The following SLC35D4 variants were observed in gnomAD, a reference collection of about 807,000 sequenced individuals.
SLC35D4 encodes UDP-N-acetylglucosamine transporter SLC35D4.
the SLC35D4 span, among the ~76,000 whole-genome samples, chr18:23,383,156 G>T: frequency 6.6e-6 from 1 of 152,122 alleles, no homozygotes; most frequent in African/African-American, 2.4e-5. Flanking sequence ...CTCTGCAGGG[G>T]AGCTGAGCTC....
the SLC35D4 span, chr18:23,259,334 G>T: frequency 2.0e-5 from 3 of 152,242 alleles, no homozygotes; most frequent in Non-Finnish European, 4.4e-5. Context: ...AGTGGGGTGG[G>T]GGGAGGGACG....
the SLC35D4 span, chr18:23,373,628 G>T: frequency 6.7e-7 from 1 of 1,485,282 alleles, no homozygotes; most frequent in African/African-American, 1.4e-5. Flanking sequence ...CTTCTAAAAG[G>T]AAGGACTAGG....
At chr18:23,315,585 C>T in the SLC35D4 span, among the ~76,000 whole-genome samples, 2 of 152,172 alleles carry the variant, frequency 1.3e-5, no homozygotes, top group Non-Finnish European at 1.5e-5. Context: ...GGTAATATAA[C>T]CTTTAAGGTC....
chr18:23,286,904 G>GCCTCCTTTGCGT, the SLC35D4 span, among the ~76,000 whole-genome samples: 56 of 151,864 alleles, frequency 3.7e-4, no homozygotes, highest in Middle Eastern at 3.4e-3. Context: ...CCAATCCAAA[G>GCCTCCTTTGCGT]CCTCCTTTGC....
the SLC35D4 span, among the ~76,000 whole-genome samples, chr18:23,315,016 T>C: frequency 6.6e-6 from 1 of 152,104 alleles, no homozygotes; most frequent in Non-Finnish European, 1.5e-5. Context: ...GGGAAAATGG[T>C]GGTGGTGGTG....
At chr18:23,305,754 G>A in the SLC35D4 span, among the ~76,000 whole-genome samples, 2 of 152,206 alleles carry the variant, frequency 1.3e-5, no homozygotes, top group Non-Finnish European at 2.9e-5. Context: ...CCCATTTTCT[G>A]AGTGCAGTGA....
At chr18:23,371,945 T>TTTTTTTTTTTTTTTTTTTTTTG in the SLC35D4 span, among the ~76,000 whole-genome samples, 2 of 73,346 alleles carry the variant, frequency 2.7e-5, no homozygotes, top group African/African-American at 5.9e-5. Flanking sequence ...GTTTTTTTTT[T>TTTTTTTTTTTTTTTTTTTTTTG]TTTTTTTTGA....
the SLC35D4 span, among the ~76,000 whole-genome samples, chr18:23,423,113 T>G: frequency 6.6e-6 from 1 of 152,234 alleles, no homozygotes; most frequent in Admixed American, 6.5e-5. Context: ...GTCTGCTATG[T>G]GCAGCCACAT....
At chr18:23,366,832 C>T in the SLC35D4 span, among the ~76,000 whole-genome samples, 40,442 of 152,020 alleles carry the variant, frequency 0.27, 5,945 homozygotes, top group East Asian at 0.4. Context: ...AGGAGGTTTG[C>T]GAGAAAGCCA....
chr18:23,317,771 C>T, the SLC35D4 span, among the ~76,000 whole-genome samples: 2 of 151,328 alleles, frequency 1.3e-5, no homozygotes, highest in Admixed American at 6.6e-5. Flanking sequence ...GACGGAGTCT[C>T]GCTCTGTCCC....
At chr18:23,248,974 G>A in the SLC35D4 span, among the ~76,000 whole-genome samples, 4 of 152,342 alleles carry the variant, frequency 2.6e-5, no homozygotes, top group East Asian at 5.8e-4. Context: ...CAGCTGCCTG[G>A]GACCAGGACT....
chr18:23,351,212 G>C, the SLC35D4 span, among the ~76,000 whole-genome samples: 1 of 152,102 alleles, frequency 6.6e-6, no homozygotes, highest in South Asian at 2.1e-4. Flanking sequence ...TTTGAGAACA[G>C]CCTGGCCAAC....
At chr18:23,252,813 G>C in the SLC35D4 span, 7 of 566,870 alleles carry the variant, frequency 1.2e-5, no homozygotes, top group South Asian at 1.4e-4. Context: ...CAGGCTCCTG[G>C]ATTCCGCCGA....
At chr18:23,416,516 G>C in the SLC35D4 span, among the ~76,000 whole-genome samples, 1 of 152,194 alleles carries the variant, frequency 6.6e-6, no homozygotes, top group Non-Finnish European at 1.5e-5. Flanking sequence ...AGCAGCCACA[G>C]CAAATACAAA....
At chr18:23,332,739 C>T in the SLC35D4 span, among the ~76,000 whole-genome samples, 1 of 150,796 alleles carries the variant, frequency 6.6e-6, no homozygotes. Context: ...CGCTGAGATA[C>T]TTCAAAAATT....
the SLC35D4 span, among the ~76,000 whole-genome samples, chr18:23,291,128 G>A: frequency 5.9e-5 from 9 of 152,304 alleles, no homozygotes; most frequent in African/African-American, 1.7e-4. Flanking sequence ...GTCTTGCCCT[G>A]CAATGGGGTC....
chr18:23,333,205 G>T, the SLC35D4 span, among the ~76,000 whole-genome samples: 1 of 152,308 alleles, frequency 6.6e-6, no homozygotes, highest in African/African-American at 2.4e-5. Flanking sequence ...AAACATGGCT[G>T]ACTTCATAGA....
the SLC35D4 span, among the ~76,000 whole-genome samples, chr18:23,419,450 G>A: frequency 6.6e-5 from 10 of 152,052 alleles, no homozygotes; most frequent in Admixed American, 3.9e-4. Context: ...GTGCCACCAC[G>A]CCCAGCTAAT....
the SLC35D4 span, among the ~76,000 whole-genome samples, chr18:23,427,471 AC>A: frequency 6.6e-6 from 1 of 152,162 alleles, no homozygotes; most frequent in African/African-American, 2.4e-5. Flanking sequence ...ACAATGAGAT[AC>A]CATCTCACAC....
Sources: gnomAD v4.1 joint callset for allele counts (sites outside exome capture counted in the v4.1 genomes callset) on GRCh38, gnomAD v4.1.1 for gene constraint, MANE v1.5 for transcripts, NCBI Gene and HGNC (gene_info 2026-07-23, HGNC 2026-07-21) for gene names.